The following EMCN variants were observed in gnomAD, a reference collection of about 807,000 sequenced individuals.
The protein encoded by EMCN is MUC-14.
EMCN carries 37 observed loss-of-function variants against 38.4 expected under a neutral mutation model. The ratio of observed to expected loss-of-function variants is 0.96; its 90% CI spans 0.74 to 1.27. EMCN has a LOEUF of 1.27. EMCN is among the 50% of genes most tolerant of loss of function. The pLI, the probability that EMCN is intolerant of heterozygous loss-of-function variation, is 0.00. For synonymous variants in EMCN, 95 were observed against 100.8 expected (o/e 0.94, Z 0.35); for missense variants, 318 against 302.8 (o/e 1.05, Z -0.37).
intron 11 of EMCN, among the ~76,000 whole-genome samples, chr4:100,405,043 C>T (rs1176520211): frequency 6.6e-6 from 1 of 151,938 alleles, no homozygotes; most frequent in African/African-American, 2.4e-5. Context: ...AGAAATGCTA[C>T]TGAATTTTGT....
chr4:100,516,821 G>A (rs1729771125), intron 1 of EMCN, among the ~76,000 whole-genome samples: 1 of 151,994 alleles, frequency 6.6e-6, no homozygotes, highest in Non-Finnish European at 1.5e-5. Flanking sequence ...TTTAAATTGA[G>A]AATGAGCAAA....
At chr4:100,505,771 G>A (rs1293259490) in intron 1 of EMCN, among the ~76,000 whole-genome samples, 3 of 152,112 alleles carry the variant, frequency 2.0e-5, no homozygotes, top group Non-Finnish European at 4.4e-5. Flanking sequence ...TCAGAAAGGA[G>A]CTTGAGAGAG....
chr4:100,430,825 A>G (rs1322749894), intron 5 of EMCN, among the ~76,000 whole-genome samples: 1 of 152,192 alleles, frequency 6.6e-6, no homozygotes, highest in Non-Finnish European at 1.5e-5. Flanking sequence ...TTCTTATTCC[A>G]TAATTGAATT....
intron 1 of EMCN, among the ~76,000 whole-genome samples, chr4:100,501,350 G>A (rs535784887): frequency 6.6e-6 from 1 of 152,012 alleles, no homozygotes; most frequent in Non-Finnish European, 1.5e-5. Flanking sequence ...TTATATCAAA[G>A]ACCTATATAT....
intron 11 of EMCN, among the ~76,000 whole-genome samples, chr4:100,398,813 A>G (rs1287862132): frequency 6.6e-6 from 1 of 152,070 alleles, no homozygotes; most frequent in East Asian, 1.9e-4. Context: ...TTAAGCCTTT[A>G]TCTTTTTCCA....
chr4:100,463,284 T>C (rs866400532), intron 4 of EMCN, among the ~76,000 whole-genome samples: 1 of 152,152 alleles, frequency 6.6e-6, no homozygotes, highest in African/African-American at 2.4e-5. Flanking sequence ...TCAATTTGTT[T>C]ACTCATAATA....
chr4:100,462,872 A>G (rs756226809), intron 4 of EMCN, among the ~76,000 whole-genome samples: 3 of 152,144 alleles, frequency 2.0e-5, no homozygotes, highest in Non-Finnish European at 2.9e-5. Flanking sequence ...TTACAATAAA[A>G]AAGAGACAAT....
Position 100,517,895 on chromosome 4 carries a change from G to T in EMCN, c.20C>A (p.Thr7Asn). ...AATACTGGGCAGAAGAAAAAGAATG[G>T]TCACTTGAAGCAGTTCCATGGTGCC... The part of the protein sequence containing the change: MELLQV[T>N]ILFLLPSICS... The change falls in exon 1 of 12, where the codon ACC (threonine) becomes AAC (asparagine). Residue 7 changes from threonine to asparagine, a missense_variant. Physicochemically the swap from Thr to Asn is moderately conservative, Grantham distance 65. Transcript: ENST00000296420. 2 of 1,612,754 alleles carry T rather than the reference G, an allele frequency of 1.2e-6. No individual in the cohort carries two copies. Among genetic ancestry groups the T allele is most frequent in the Non-Finnish European group, 1.7e-6 (2 of 1,179,004 alleles).
intron 5 of EMCN, among the ~76,000 whole-genome samples, chr4:100,438,476 ATTAG>A (rs748570269): frequency 3.3e-4 from 50 of 152,144 alleles, no homozygotes; most frequent in Non-Finnish European, 6.6e-4. Context: ...GAATTCATTT[ATTAG>A]TTCTAACAGT....
At chr4:100,401,867 G>A (rs1272186044) in intron 11 of EMCN, among the ~76,000 whole-genome samples, 1 of 152,130 alleles carries the variant, frequency 6.6e-6, no homozygotes, top group Non-Finnish European at 1.5e-5. Context: ...AGACCTACTG[G>A]TGAGGGAGCA....
chr4:100,479,802 G>T, intron 2 of EMCN, 115 bp downstream of exon 2: 1 of 864,380 alleles, frequency 1.2e-6, no homozygotes, highest in Non-Finnish European at 1.7e-6. Context: ...AAATAGCACT[G>T]ACCTTTATAA....
chr4:100,485,590 T>C (rs1728920877), intron 1 of EMCN, among the ~76,000 whole-genome samples: 1 of 151,294 alleles, frequency 6.6e-6, no homozygotes, highest in Non-Finnish European at 1.5e-5. Context: ...TAAAGAGATA[T>C]ATAAAATATA....
chr4:100,440,926 A>T lies in EMCN; in HGVS notation c.415+6607T>A, dbSNP rs181585422. ...TGGTGAAACCCCGTCTTGACTAAAAATACAAAAAAAAAGTAGCTGAGCATG... is the reference window on the plus strand; with the variant it reads ...TGGTGAAACCCCGTCTTGACTAAAATTACAAAAAAAAAGTAGCTGAGCATG... On this transcript the variant is annotated intron_variant, in intron 5 of 11. Coordinates refer to ENST00000296420, the MANE Select transcript of EMCN (RefSeq NM_016242.4). Among the ~76,000 whole-genome samples, 206 of 152,096 alleles carry T rather than the reference A, an allele frequency of 1.4e-3. 1 individual carries two copies. The highest frequency in any genetic ancestry group is 4.7e-3 in the African/African-American group (196 of 41,502).
chr4:100,408,655 T>C (rs2110208294), intron 11 of EMCN, among the ~76,000 whole-genome samples: 1 of 152,228 alleles, frequency 6.6e-6, no homozygotes, highest in East Asian at 1.9e-4. Context: ...CCTCTCCCAC[T>C]CAAGTGCTGG....
intron 5 of EMCN, among the ~76,000 whole-genome samples, chr4:100,439,241 C>T (rs1223813234): frequency 6.6e-6 from 1 of 151,954 alleles, no homozygotes; most frequent in East Asian, 1.9e-4. Context: ...CTATCTGTTT[C>T]TGGGCTTTTC....
At chr4:100,498,731 C>T (rs1244067321) in intron 1 of EMCN, among the ~76,000 whole-genome samples, 10 of 152,132 alleles carry the variant, frequency 6.6e-5, no homozygotes, top group Admixed American at 4.6e-4. Context: ...CGTGAGCCAC[C>T]GTGCCCGGCC....
chr4:100,479,337 G>A (rs1367698260), intron 2 of EMCN, among the ~76,000 whole-genome samples: 1 of 152,054 alleles, frequency 6.6e-6, no homozygotes, highest in African/African-American at 2.4e-5. Flanking sequence ...ATGGGCAGAT[G>A]CAGTATGCAT....
rs548559482 is a variant in EMCN, at chr4:100,509,742, G to A, written c.64+8109C>T. ...GCATTATTTCAACACATGGCCATTT[G>A]GATGTGAACAGCCATAAAAATTATG... On this transcript the variant is annotated intron_variant, in intron 1 of 11. Transcript: ENST00000296420. Among the ~76,000 whole-genome samples, 3 of 152,224 alleles carry A rather than the reference G, an allele frequency of 2.0e-5. No homozygotes were observed. The South Asian group carries it at 6.2e-4, about 32-fold the overall frequency.
intron 3 of EMCN, among the ~76,000 whole-genome samples, chr4:100,466,038 A>C (rs1728306281): frequency 2.0e-5 from 3 of 152,190 alleles, no homozygotes; most frequent in Non-Finnish European, 4.4e-5. Context: ...TCAGGGGATG[A>C]GGGATAATTG....
Sources: allele counts gnomAD v4.1 joint callset (sites outside exome capture counted in the v4.1 genomes callset), GRCh38; gene constraint gnomAD v4.1.1; transcripts MANE v1.5; gene names NCBI Gene and HGNC (gene_info 2026-07-23, HGNC 2026-07-21).